NCALD: variants seen among roughly 807,000 people sequenced by gnomAD.
The protein encoded by NCALD is neurocalcin-delta.
NCALD carries 10 observed loss-of-function variants against 18.6 expected under a neutral mutation model. The observed-to-expected ratio is 0.54, with a 90% CI of 0.33 to 0.91. The LOEUF is 0.91. Among genes scored for constraint, NCALD ranks in the 40% least tolerant of loss-of-function variants. The pLI is 0.03. For synonymous variants in NCALD, 88 were observed against 87.4 expected (o/e 1.01, Z -0.04); for missense variants, 184 against 247.6 (o/e 0.74, Z 1.72).
chr8:101,891,408 T>C (rs1333621749), intron 3 of NCALD, among the ~76,000 whole-genome samples: 1 of 152,230 alleles, frequency 6.6e-6, no homozygotes, highest in Non-Finnish European at 1.5e-5. Context: ...ATAATGTCCT[T>C]TAAATTCATC....
intron 4 of NCALD, among the ~76,000 whole-genome samples, chr8:101,800,939 A>AGGAAGGGAGAAGAGG (rs1438466182): frequency 1.6e-5 from 1 of 61,800 alleles, no homozygotes; most frequent in African/African-American, 7.1e-5. Context: ...GGGAGGGGAG[A>AGGAAGGGAGAAGAGG]GGAAGGGAGA....
chr8:101,793,496 A>G (rs1285361619), upstream of NCALD, among the ~76,000 whole-genome samples: 1 of 152,114 alleles, frequency 6.6e-6, no homozygotes, highest in Non-Finnish European at 1.5e-5. Flanking sequence ...TTTGCAAACT[A>G]CCTAGGTTTA....
At chr8:102,101,351 A>G (rs1825275334) in intron 1 of NCALD, among the ~76,000 whole-genome samples, 1 of 152,256 alleles carries the variant, frequency 6.6e-6, no homozygotes, top group South Asian at 2.1e-4. Context: ...AATTTTAAAA[A>G]GTTTTTAAAA....
At chr8:101,933,744 C>A (rs980483231) in intron 2 of NCALD, among the ~76,000 whole-genome samples, 7 of 152,070 alleles carry the variant, frequency 4.6e-5, no homozygotes, top group Non-Finnish European at 1.0e-4. Context: ...GGGTTGGAGG[C>A]CTCAAGGCAG....
intron 2 of NCALD, among the ~76,000 whole-genome samples, chr8:101,997,523 C>T (rs1821281875): frequency 6.6e-6 from 1 of 152,120 alleles, no homozygotes. Context: ...TGTTTAAAGA[C>T]TTGATGCAAA....
chr8:101,824,322 AAC>A (rs1813843484), intron 4 of NCALD, among the ~76,000 whole-genome samples: 1 of 152,146 alleles, frequency 6.6e-6, no homozygotes, highest in Non-Finnish European at 1.5e-5. Flanking sequence ...CCATAAATGA[AAC>A]ATTGTTATTG....
At chr8:102,046,355 C>A (rs1823239488) in intron 1 of NCALD, among the ~76,000 whole-genome samples, 1 of 152,198 alleles carries the variant, frequency 6.6e-6, no homozygotes, top group African/African-American at 2.4e-5. Flanking sequence ...ACTCTCCATG[C>A]ATATTCTGAG....
intron 2 of NCALD, among the ~76,000 whole-genome samples, chr8:101,931,295 G>A (rs1443445560): frequency 6.6e-6 from 1 of 152,194 alleles, no homozygotes; most frequent in Non-Finnish European, 1.5e-5. Context: ...TCATTCATTT[G>A]AGCAAGAAAC....
intron 2 of NCALD, among the ~76,000 whole-genome samples, chr8:101,701,224 G>A (rs1282978138): frequency 6.6e-6 from 1 of 152,118 alleles, no homozygotes; most frequent in Non-Finnish European, 1.5e-5. Context: ...GCATAGCACA[G>A]AGGAGAAAAA....
At chr8:101,863,725 T>G (rs999912672) in intron 4 of NCALD, among the ~76,000 whole-genome samples, 2 of 152,146 alleles carry the variant, frequency 1.3e-5, no homozygotes, top group African/African-American at 4.8e-5. Context: ...GCTAGAAAGC[T>G]ATGGGTGAGA....
intron 4 of NCALD, among the ~76,000 whole-genome samples, chr8:101,842,968 C>T (rs749848580): frequency 9.9e-5 from 15 of 152,138 alleles, no homozygotes; most frequent in Non-Finnish European, 2.2e-4. Flanking sequence ...TTATGAAATA[C>T]CATACATAAA....
At chr8:101,739,073 C>T (rs1254658314) in intron 1 of NCALD, among the ~76,000 whole-genome samples, 2 of 152,092 alleles carry the variant, frequency 1.3e-5, no homozygotes, top group African/African-American at 4.8e-5. Flanking sequence ...TTGAATGTCT[C>T]CATCCCCAAT....
At chr8:101,693,942 C>T (rs964156866) in intron 2 of NCALD, 2 of 152,186 alleles carry the variant, frequency 1.3e-5, no homozygotes, top group Non-Finnish European at 2.9e-5. Flanking sequence ...AAACTGGGTA[C>T]AGCTATGAGA....
rs573923550 is a variant in NCALD, at chr8:101,844,754, TG to T, written c.-20+42386del. 2.0e-5 allele frequency among the ~76,000 whole-genome samples: 3 copies of T among 152,314 alleles called. No homozygotes were observed. In the South Asian group the frequency reaches 6.2e-4, roughly 32 times the overall value. On this transcript the variant is annotated intron_variant, in intron 4 of 6. Transcript: ENST00000311028. ...GAAAAAGTGAAGCAAATTCAGCTAGTGGCCAGAGAGCGGTGAGTTCTTATTC... is the reference window on the plus strand; with the variant it reads ...GAAAAAGTGAAGCAAATTCAGCTAGTGCCAGAGAGCGGTGAGTTCTTATTC...
intron 1 of NCALD, among the ~76,000 whole-genome samples, chr8:101,749,254 C>A (rs1023216015): frequency 2.0e-5 from 3 of 152,158 alleles, no homozygotes; most frequent in Non-Finnish European, 4.4e-5. Context: ...TCAATTGTTT[C>A]TAAATTAAGC....
intron 1 of NCALD, among the ~76,000 whole-genome samples, chr8:101,746,727 T>C (rs922787690): frequency 6.6e-6 from 1 of 151,492 alleles, no homozygotes; most frequent in African/African-American, 2.4e-5. Flanking sequence ...TAATTATAAT[T>C]ATATAATAAT....
intron 1 of NCALD, among the ~76,000 whole-genome samples, chr8:102,089,785 G>A (rs998111897): frequency 5.3e-5 from 8 of 152,164 alleles, no homozygotes; most frequent in Non-Finnish European, 1.0e-4. Context: ...GTTGTAGAAG[G>A]TTTGTGAAAA....
intron 2 of NCALD, among the ~76,000 whole-genome samples, chr8:101,992,757 G>A (rs1419615239): frequency 6.6e-6 from 1 of 152,052 alleles, no homozygotes; most frequent in Non-Finnish European, 1.5e-5. Flanking sequence ...GCACCCCTGG[G>A]AGCTGTGCAG....
chr8:101,844,727 A>G (rs1814794842), intron 4 of NCALD, among the ~76,000 whole-genome samples: 1 of 152,136 alleles, frequency 6.6e-6, no homozygotes, highest in Admixed American at 6.6e-5. Context: ...CTATAGAGAG[A>G]GGAAAAAGTG....
Sources: gnomAD v4.1 joint callset for allele counts (sites outside exome capture counted in the v4.1 genomes callset) on GRCh38, gnomAD v4.1.1 for gene constraint, MANE v1.5 for transcripts, NCBI Gene and HGNC (gene_info 2026-07-23, HGNC 2026-07-21) for gene names.